Variants in GPHN observed in about 807,000 individuals in gnomAD.
GPHN encodes the protein gephyrin.
Under a neutral mutation model 95.5 loss-of-function variants are expected in GPHN, and 17 were observed. The ratio of observed to expected loss-of-function variants is 0.18; its 90% CI spans 0.12 to 0.27. The LOEUF (loss-of-function observed/expected upper bound fraction) is 0.27, where lower values mean the gene tolerates loss of function less well. Ranked by LOEUF, GPHN falls within the 10% of genes least tolerant of loss-of-function variation. GPHN has a pLI of 1.00. For missense variants in GPHN, 660 were observed against 978.1 expected (o/e 0.67, Z 4.34); for synonymous variants, 320 against 322.5 (o/e 0.99, Z 0.08).
rs1373871486 is a variant in GPHN, at chr14:66,752,099, C to A, written c.144-24365C>A. On this transcript the variant is annotated intron_variant, in intron 2 of 22. Coordinates refer to ENST00000478722, the MANE Select transcript of GPHN (RefSeq NM_020806.5). Reference sequence around the variant, plus strand: ...GCTTCCAACTTTTCTTCTGCAGTTTCCTCACCTCTCTCAGCCTTCATAGAA... The same window carrying A: ...GCTTCCAACTTTTCTTCTGCAGTTTACTCACCTCTCTCAGCCTTCATAGAA... Among the ~76,000 whole-genome samples, 2 of 152,022 alleles carry A rather than the reference C, an allele frequency of 1.3e-5. 1 individual carries two copies. Among genetic ancestry groups the A allele is most frequent in the Non-Finnish European group, 2.9e-5 (2 of 67,966 alleles).
chr14:66,877,770 A>G (rs542277688), intron 4 of GPHN, among the ~76,000 whole-genome samples: 72 of 152,354 alleles, frequency 4.7e-4, no homozygotes, highest in Non-Finnish European at 7.8e-4. Context: ...GCTCATGGAT[A>G]GGAAGAATCA....
chr14:66,992,798 A>G (rs1020089766), intron 9 of GPHN, among the ~76,000 whole-genome samples: 8 of 152,186 alleles, frequency 5.3e-5, no homozygotes, highest in Non-Finnish European at 7.4e-5. Flanking sequence ...AAAGAAGAAC[A>G]TTTTATGGCA....
chr14:66,976,190 G>A (rs185847743), intron 9 of GPHN, among the ~76,000 whole-genome samples: 124 of 152,214 alleles, frequency 8.1e-4, no homozygotes, highest in African/African-American at 2.8e-3. Context: ...GGTAAAGCTT[G>A]TCTCTGTTAA....
the GPHN span, among the ~76,000 whole-genome samples, chr14:67,323,233 G>A: frequency 1.0e-3 from 15 of 14,930 alleles, no homozygotes; most frequent in Non-Finnish European, 4.6e-3. Flanking sequence ...ATATATACAC[G>A]TGTGTGTGTG....
At chr14:67,083,511 G>C (rs907107718) in intron 11 of GPHN, among the ~76,000 whole-genome samples, 2 of 152,168 alleles carry the variant, frequency 1.3e-5, no homozygotes, top group African/African-American at 4.8e-5. Flanking sequence ...ACAGAACTGT[G>C]AGCCAATTAA....
the GPHN span, among the ~76,000 whole-genome samples, chr14:67,195,237 T>C: frequency 6.6e-6 from 1 of 152,196 alleles, no homozygotes; most frequent in Non-Finnish European, 1.5e-5. Flanking sequence ...CTCAACTTTG[T>C]TCAAAAAGGA....
chr14:66,729,949 T>G (rs145790165), intron 2 of GPHN, among the ~76,000 whole-genome samples: 1 of 152,312 alleles, frequency 6.6e-6, no homozygotes, highest in Non-Finnish European at 1.5e-5. Context: ...CAGTGAAAAC[T>G]CATTTAATAT....
the GPHN span, among the ~76,000 whole-genome samples, chr14:67,489,142 C>T: frequency 6.6e-6 from 1 of 152,178 alleles, no homozygotes; most frequent in Non-Finnish European, 1.5e-5. Flanking sequence ...CTTAGATCAT[C>T]TCTCATGATT....
chr14:66,830,369 T>C (rs1217001242), intron 4 of GPHN, among the ~76,000 whole-genome samples: 1 of 152,124 alleles, frequency 6.6e-6, no homozygotes, highest in Non-Finnish European at 1.5e-5. Flanking sequence ...AAATAAAATA[T>C]CCCTTATTCT....
chr14:67,279,066 GT>G, the GPHN span: 39,555 of 902,748 alleles, frequency 0.044, 239 homozygotes, highest in Non-Finnish European at 0.049. Context: ...GATGTGAGAA[GT>G]TTTTTTTTTT....
At chr14:67,242,346 C>G in the GPHN span, among the ~76,000 whole-genome samples, 5 of 152,050 alleles carry the variant, frequency 3.3e-5, no homozygotes, top group Non-Finnish European at 5.9e-5. Flanking sequence ...TCTCCATACT[C>G]GTTTAGAATA....
chr14:66,615,411 G>A (rs1036109172), intron 1 of GPHN, among the ~76,000 whole-genome samples: 6 of 150,760 alleles, frequency 4.0e-5, no homozygotes, highest in Non-Finnish European at 4.4e-5. Context: ...GTTCTGACTG[G>A]CATGAGATGG....
Position 66,642,869 on chromosome 14 carries a change from G to A in GPHN, c.65-38238G>A, listed in dbSNP as rs1038782636. Among the ~76,000 whole-genome samples, 6 of 151,888 alleles carry A rather than the reference G, an allele frequency of 4.0e-5. No individual in the cohort carries two copies. In the East Asian group the frequency reaches 1.2e-3, roughly 29 times the overall value. Reference sequence around the variant, plus strand: ...GTACATCATAGATCCAACTATGAAAGATTTAAAAAATAAAGCTTTTAGATG... The same window carrying A: ...GTACATCATAGATCCAACTATGAAAAATTTAAAAAATAAAGCTTTTAGATG... On this transcript the variant is annotated intron_variant, in intron 1 of 22. Coordinates refer to ENST00000478722, the MANE Select transcript of GPHN (RefSeq NM_020806.5).
At chr14:67,079,458 T>G (rs1254363431) in intron 11 of GPHN, among the ~76,000 whole-genome samples, 1 of 152,108 alleles carries the variant, frequency 6.6e-6, no homozygotes, top group Non-Finnish European at 1.5e-5. Flanking sequence ...ACCACTAGTC[T>G]ACTTCCTGTT....
At chr14:67,233,247 TTC>T in the GPHN span, among the ~76,000 whole-genome samples, 12 of 152,074 alleles carry the variant, frequency 7.9e-5, no homozygotes, top group African/African-American at 2.9e-4. Context: ...GTCCAAGTGA[TTC>T]TCCTGCCTCA....
intron 1 of GPHN, chr14:66,509,000 A>G (rs1594764387): frequency 3.9e-6 from 1 of 255,102 alleles, no homozygotes; most frequent in Non-Finnish European, 7.7e-6. Flanking sequence ...GAGAGGGGGG[A>G]ATCCCATCTC....
chr14:66,593,273 C>T (rs564542043), intron 1 of GPHN, among the ~76,000 whole-genome samples: 1 of 150,898 alleles, frequency 6.6e-6, no homozygotes, highest in South Asian at 2.1e-4. Flanking sequence ...GCACGTTTTG[C>T]ACATGTATCC....
the GPHN span, among the ~76,000 whole-genome samples, chr14:67,673,327 G>C: frequency 3.3e-5 from 5 of 151,984 alleles, no homozygotes; most frequent in Non-Finnish European, 5.9e-5. Flanking sequence ...CTGGGTGACA[G>C]AGTGAGACCC....
chr14:67,388,536 TCA>T, the GPHN span, among the ~76,000 whole-genome samples: 1 of 152,302 alleles, frequency 6.6e-6, no homozygotes, highest in East Asian at 1.9e-4. Flanking sequence ...TTACCAAGTC[TCA>T]CAGACTTGCA....
Sources: allele counts gnomAD v4.1 joint callset (sites outside exome capture counted in the v4.1 genomes callset), GRCh38; gene constraint gnomAD v4.1.1; transcripts MANE v1.5; gene names NCBI Gene and HGNC (gene_info 2026-07-23, HGNC 2026-07-21).